WDFY4: variants seen among roughly 807,000 people sequenced by gnomAD.
WDFY4 encodes WDFY family member 4.
WDFY4 carries 169 observed loss-of-function variants against 351.9 expected under a neutral mutation model. The observed-to-expected ratio is 0.48, with a 90% confidence interval of 0.42 to 0.55. The LOEUF is 0.55. Ranked by LOEUF, WDFY4 falls within the 20% of genes least tolerant of loss-of-function variation. The pLI is 0.00. For missense variants in WDFY4, 3,803 were observed against 3,935.6 expected, an observed-to-expected ratio of 0.97 and a Z score of 0.90; for synonymous variants, 1,622 against 1,574.6, an observed-to-expected ratio of 1.03 and a Z score of -0.71.
intron 2 of WDFY4, among the ~76,000 whole-genome samples, chr10:48,710,391 T>A (rs948350194): frequency 2.0e-5 from 3 of 152,190 alleles, no homozygotes; most frequent in Non-Finnish European, 4.4e-5. Flanking sequence ...ACCTTAGAGA[T>A]TAAAATGTCA....
intron 39 of WDFY4, among the ~76,000 whole-genome samples, chr10:48,863,865 G>A (rs2069435529): frequency 1.3e-5 from 2 of 152,276 alleles, no homozygotes; most frequent in African/African-American, 2.4e-5. Flanking sequence ...GAGGAACCAA[G>A]GCACCTTCTT....
chr10:48,933,233 G>A (rs1213691452), intron 47 of WDFY4, among the ~76,000 whole-genome samples: 1 of 152,162 alleles, frequency 6.6e-6, no homozygotes, highest in East Asian at 1.9e-4. Context: ...CTGCTAGAGG[G>A]GCCTAGCACT....
chr10:48,863,483 C>A (rs758634716), intron 39 of WDFY4, among the ~76,000 whole-genome samples: 1 of 152,118 alleles, frequency 6.6e-6, no homozygotes, highest in African/African-American at 2.4e-5. Context: ...GCTTATTAGC[C>A]ATTTGAATAT....
chr10:48,833,153 G>A (rs535870209), intron 39 of WDFY4, among the ~76,000 whole-genome samples: 314 of 125,868 alleles, frequency 2.5e-3, no homozygotes, highest in Middle Eastern at 4.3e-3. Flanking sequence ...GTGTGTGTGT[G>A]TGTGTGTGTG....
At chr10:48,941,117 G>A (rs923564024) in intron 47 of WDFY4, among the ~76,000 whole-genome samples, 18 of 152,082 alleles carry the variant, frequency 1.2e-4, no homozygotes, top group Admixed American at 7.9e-4. Context: ...TCATGGGGGC[G>A]GTGAATCAGT....
At chr10:48,792,423 G>A (rs1243995307) in intron 23 of WDFY4, among the ~76,000 whole-genome samples, 3 of 152,136 alleles carry the variant, frequency 2.0e-5, no homozygotes, top group Non-Finnish European at 4.4e-5. Context: ...CTTTGCTGGT[G>A]TATTACTGAC....
intron 15 of WDFY4, 73 bp from the exon 16 acceptor site, chr10:48,776,677 T>TCTGGGCTGCTCAAA: frequency 7.5e-7 from 1 of 1,339,172 alleles, no homozygotes; most frequent in Non-Finnish European, 9.9e-7. Context: ...GCAGATACTT[T>TCTGGGCTGCTCAAA]GGGGTTATTG....
chr10:48,827,923 G>A (rs940771959), intron 36 of WDFY4, among the ~76,000 whole-genome samples: 3 of 151,458 alleles, frequency 2.0e-5, no homozygotes, highest in African/African-American at 4.8e-5. Flanking sequence ...TCAAGAGTTA[G>A]GCCTTGTCCA....
chr10:48,749,515 A>T (rs2065116192), intron 12 of WDFY4, among the ~76,000 whole-genome samples: 1 of 152,096 alleles, frequency 6.6e-6, no homozygotes, highest in Non-Finnish European at 1.5e-5. Context: ...CGACACACAC[A>T]AATACCACAC....
chr10:48,715,803 C>T (rs924860990), intron 2 of WDFY4, among the ~76,000 whole-genome samples: 1 of 109,376 alleles, frequency 9.1e-6, no homozygotes, highest in Non-Finnish European at 1.9e-5. Context: ...TTTTTCTTTT[C>T]TTTTCTTTTT....
At chr10:48,736,342 C>G in intron 11 of WDFY4, 2 of 601,320 alleles carry the variant, frequency 3.3e-6, no homozygotes, top group South Asian at 2.0e-5. Context: ...ACTTGGCCAG[C>G]AGACAAGGGA....
At chr10:48,798,854 A>G (rs1337422105) in intron 24 of WDFY4, among the ~76,000 whole-genome samples, 2 of 152,246 alleles carry the variant, frequency 1.3e-5, no homozygotes, top group Non-Finnish European at 2.9e-5. Flanking sequence ...TAGCCAGTTG[A>G]ACCAGGCCAA....
chr10:48,736,142 A>G, intron 11 of WDFY4, 72 bp downstream of exon 11: 1 of 1,521,782 alleles, frequency 6.6e-7, no homozygotes, highest in Non-Finnish European at 8.9e-7. Flanking sequence ...TTGCTCAGGC[A>G]TTTGTATTCA....
In WDFY4 at chr10:48,966,583, G is replaced by A; in HGVS notation, c.8494G>A (p.Asp2832Asn). 1 of 1,552,104 alleles carries A rather than the reference G, an allele frequency of 6.4e-7. No homozygotes were observed. Among genetic ancestry groups the A allele is most frequent in the Non-Finnish European group, 8.7e-7 (1 of 1,147,080 alleles). ...AGCAGGGAAGCCTCTGCCTGGAAAG[G>A]ATGTCTCCACCCCCGTGAGCCTGCC... Reference protein sequence around the residue: ...TAAGKPLPGKDVSTPVSLPGH... With the variant: ...TAAGKPLPGKNVSTPVSLPGH... Residue 2832 changes from aspartate to asparagine, a missense_variant, in exon 55 of 62, where the codon GAT becomes AAT. Around this residue, in one of 3 missense-constraint regions of WDFY4, gnomAD observed 3,054 missense variants for 3,148.6 expected, o/e 0.97. Transcript: ENST00000325239.
chr10:48,913,790 G>A (rs766810748), intron 47 of WDFY4: 2 of 1,613,996 alleles, frequency 1.2e-6, no homozygotes, highest in Non-Finnish European at 1.7e-6. Context: ...CAGCGCGGAT[G>A]TTCTTGAGTT....
At chr10:48,820,163 A>T in intron 32 of WDFY4, 71 bp from the exon 33 acceptor site, 2 of 1,501,110 alleles carry the variant, frequency 1.3e-6, no homozygotes, top group Non-Finnish European at 9.1e-7. Flanking sequence ...GCCCATGTAC[A>T]TGGCACAGGT....
intron 47 of WDFY4, among the ~76,000 whole-genome samples, chr10:48,903,275 C>T (rs548059573): frequency 3.9e-5 from 6 of 152,068 alleles, no homozygotes; most frequent in East Asian, 1.9e-4. Flanking sequence ...ATTCTCATGT[C>T]GGTTTTTATT....
At chr10:48,978,166 A>C in intron 59 of WDFY4, 143 bp from the exon 60 acceptor site, 2 of 758,998 alleles carry the variant, frequency 2.6e-6, no homozygotes, top group Non-Finnish European at 4.1e-6. Flanking sequence ...ACCTGATGAT[A>C]AGTTAACATC....
At position 48,810,803 on chromosome 10, in the gene WDFY4, C is replaced by T. The variant is rs575292740; in HGVS notation, c.5044+68C>T. 1.8e-5 allele frequency: 25 copies of T among 1,412,358 alleles called. No individual in the cohort carries two copies. In the East Asian group the frequency reaches 5.8e-4, roughly 33 times the overall value. 87.5% of individuals were successfully genotyped at this position (1,412,358 alleles called of 1,614,324 possible). ...CCTGGGATGTGAATGAGGACCAAGC[C>T]AGGCCCCTTCTTATTTGAGACCATC... On this transcript the variant is annotated intron_variant, in intron 29 of 61. Transcript: ENST00000325239.
Sources: gnomAD v4.1 joint callset for allele counts (sites outside exome capture counted in the v4.1 genomes callset) on GRCh38, gnomAD v4.1.1 for gene constraint, gnomAD v4.1.1 regional missense constraint, MANE v1.5 for transcripts, NCBI Gene and HGNC (gene_info 2026-07-23, HGNC 2026-07-21) for gene names.